The following CHRM3 variants were observed in gnomAD, a reference collection of about 807,000 sequenced individuals.
CHRM3 encodes muscarinic acetylcholine receptor M3.
In CHRM3, 11 loss-of-function variants were observed where a neutral mutation model predicts 41.8. The observed-to-expected ratio is 0.26, with a 90% CI of 0.17 to 0.44. CHRM3 has a LOEUF of 0.44. CHRM3 is among the 20% of genes least tolerant of loss of function. CHRM3 has a pLI of 1.00. For synonymous variants in CHRM3, 297 were observed against 301.4 expected, an observed-to-expected ratio of 0.99 and a Z score of 0.15; for missense variants, 571 against 745.4, an observed-to-expected ratio of 0.77 and a Z score of 2.72.
chr1:239,766,728 T>C (rs531193036), intron 5 of CHRM3, among the ~76,000 whole-genome samples: 10 of 152,218 alleles, frequency 6.6e-5, no homozygotes, highest in African/African-American at 2.4e-4. Flanking sequence ...TAATTTTTCT[T>C]TGAGACAGAA....
intron 6 of CHRM3, among the ~76,000 whole-genome samples, chr1:239,829,324 T>C (rs1168830445): frequency 6.6e-6 from 1 of 152,172 alleles, no homozygotes; most frequent in East Asian, 1.9e-4. Flanking sequence ...TTGGTGTCAG[T>C]TTGGTCAAAG....
rs546181174 is a variant in CHRM3, at chr1:239,709,527, C to A, written c.-147+31239C>A. On this transcript the variant is annotated intron_variant, in intron 5 of 6. Coordinates refer to ENST00000676153, the MANE Select transcript of CHRM3 (RefSeq NM_001375978.1). The stretch of plus-strand genomic sequence containing the variant: ...TCAGTGACTTTATCTACTCATGTTT[C>A]CAGCTAGGACAGTGCTGCCTGTGTG... 2.6e-5 allele frequency among the ~76,000 whole-genome samples: 4 copies of A among 152,222 alleles called. No individual in the cohort carries two copies. In the East Asian group the frequency reaches 7.7e-4, roughly 29 times the overall value.
chr1:239,894,597 T>G (rs550976445), intron 6 of CHRM3, among the ~76,000 whole-genome samples: 1 of 152,078 alleles, frequency 6.6e-6, no homozygotes, highest in Non-Finnish European at 1.5e-5. Context: ...CATACCTGGC[T>G]AATTTTTTTG....
chr1:239,876,282 G>C (rs617105), intron 6 of CHRM3, among the ~76,000 whole-genome samples: 146,812 of 152,170 alleles, frequency 0.96, 71,081 homozygotes, highest in Middle Eastern at 1. Context: ...TCTTGTTTCT[G>C]AATATTAAAT....
chr1:239,402,663 A>C (rs1334850651), intron 1 of CHRM3, among the ~76,000 whole-genome samples: 1 of 152,132 alleles, frequency 6.6e-6, no homozygotes, highest in East Asian at 1.9e-4. Flanking sequence ...GCTGTCCTAA[A>C]AATATTAGGC....
intron 3 of CHRM3, among the ~76,000 whole-genome samples, chr1:239,623,645 C>G (rs1215384858): frequency 1.4e-5 from 1 of 73,820 alleles, no homozygotes; most frequent in Non-Finnish European, 2.6e-5. Flanking sequence ...CTATCCCTCC[C>G]CCCTCCCCCG....
chr1:239,435,407 C>T (rs572398850), intron 1 of CHRM3, among the ~76,000 whole-genome samples: 17 of 151,208 alleles, frequency 1.1e-4, no homozygotes, highest in African/African-American at 4.1e-4. Context: ...CGAGATTGCA[C>T]CACTGCACTC....
intron 6 of CHRM3, among the ~76,000 whole-genome samples, chr1:239,878,987 A>G (rs1677364481): frequency 6.6e-6 from 1 of 152,098 alleles, no homozygotes. Context: ...AACAGAGAGA[A>G]TGAATCCAAA....
At chr1:239,721,454 T>C (rs1174842696) in intron 5 of CHRM3, among the ~76,000 whole-genome samples, 1 of 151,906 alleles carries the variant, frequency 6.6e-6, no homozygotes, top group Non-Finnish European at 1.5e-5. Flanking sequence ...GCAACATTAA[T>C]GTTTTGGAAG....
chr1:239,838,443 G>T (rs944292025), intron 6 of CHRM3, among the ~76,000 whole-genome samples: 2 of 152,120 alleles, frequency 1.3e-5, no homozygotes, highest in African/African-American at 4.8e-5. Flanking sequence ...TGTCTTGGTG[G>T]CTGTAATTGT....
intron 4 of CHRM3, among the ~76,000 whole-genome samples, chr1:239,650,203 T>C (rs1364132543): frequency 6.6e-6 from 1 of 151,582 alleles, no homozygotes; most frequent in Non-Finnish European, 1.5e-5. Flanking sequence ...ACACTTCTTC[T>C]GTAACATGGA....
At chr1:239,850,405 G>A (rs930859324) in intron 6 of CHRM3, among the ~76,000 whole-genome samples, 1 of 152,098 alleles carries the variant, frequency 6.6e-6, no homozygotes, top group Non-Finnish European at 1.5e-5. Context: ...TGGAGGAGGT[G>A]GAAGTGGAGG....
intron 6 of CHRM3, among the ~76,000 whole-genome samples, chr1:239,841,032 C>G (rs2149162105): frequency 6.6e-6 from 1 of 152,302 alleles, no homozygotes; most frequent in Admixed American, 6.5e-5. Context: ...TGCTCAGAGG[C>G]CATCCACCCA....
At chr1:239,611,703 G>A (rs181334340) in intron 3 of CHRM3, among the ~76,000 whole-genome samples, 41 of 152,246 alleles carry the variant, frequency 2.7e-4, no homozygotes, top group Non-Finnish European at 3.5e-4. Context: ...ACAGGCATGA[G>A]CCACCGCACC....
At chr1:239,693,405 G>A (rs1159918867) in intron 5 of CHRM3, among the ~76,000 whole-genome samples, 2 of 152,016 alleles carry the variant, frequency 1.3e-5, no homozygotes, top group Non-Finnish European at 2.9e-5. Flanking sequence ...TGAGAAGGTG[G>A]CATTCTGCAA....
chr1:239,624,690 A>G (rs1355435358), intron 3 of CHRM3, among the ~76,000 whole-genome samples: 3 of 126,578 alleles, frequency 2.4e-5, no homozygotes, highest in Non-Finnish European at 4.9e-5. Flanking sequence ...GGTGTAAGGA[A>G]GGGATCCAGT....
At chr1:239,820,669 G>A (rs1265065728) in intron 5 of CHRM3, among the ~76,000 whole-genome samples, 1 of 152,000 alleles carries the variant, frequency 6.6e-6, no homozygotes, top group Admixed American at 6.6e-5. Flanking sequence ...GTACTGGTTT[G>A]TGCGCCCCAG....
At chr1:239,641,114 A>G (rs1671091687) in intron 4 of CHRM3, among the ~76,000 whole-genome samples, 1 of 152,138 alleles carries the variant, frequency 6.6e-6, no homozygotes, top group South Asian at 2.1e-4. Context: ...GTTTGATTGC[A>G]CTGTGGTCTG....
chr1:239,491,851 C>T (rs1170679714), intron 1 of CHRM3, among the ~76,000 whole-genome samples: 1 of 152,164 alleles, frequency 6.6e-6, no homozygotes, highest in Non-Finnish European at 1.5e-5. Flanking sequence ...TCTTTGCCTT[C>T]TAAACCCTTC....
Sources: allele counts gnomAD v4.1 joint callset (sites outside exome capture counted in the v4.1 genomes callset), GRCh38; gene constraint gnomAD v4.1.1; transcripts MANE v1.5; gene names NCBI Gene and HGNC (gene_info 2026-07-23, HGNC 2026-07-21).